Variants in RARB observed in about 807,000 individuals in gnomAD.
RARB encodes HBV-activated protein.
In RARB, 17 loss-of-function variants were observed where a neutral mutation model predicts 51.9. The observed-to-expected ratio is 0.33, with a 90% CI of 0.22 to 0.49. The LOEUF (loss-of-function observed/expected upper bound fraction) is 0.49. RARB is among the 20% of genes least tolerant of loss of function. RARB has a pLI of 0.99. For missense variants in RARB, 369 were observed against 550.8 expected (o/e 0.67, Z 3.30); for synonymous variants, 215 against 195.4 (o/e 1.10, Z -0.84).
intron 2 of RARB, among the ~76,000 whole-genome samples, chr3:24,918,101 T>A (rs780979786): frequency 2.0e-5 from 3 of 152,220 alleles, no homozygotes; most frequent in Non-Finnish European, 4.4e-5. Context: ...TCAATGTGAA[T>A]GTTCAGAATA....
At chr3:25,068,123 G>T (rs1201935386) in intron 3 of RARB, among the ~76,000 whole-genome samples, 3 of 96,322 alleles carry the variant, frequency 3.1e-5, no homozygotes, top group Admixed American at 1.7e-4. Context: ...GACAGAGAGA[G>T]ACTCCATCTC....
At chr3:25,161,017 T>C (rs879895601) in intron 4 of RARB, among the ~76,000 whole-genome samples, 1 of 151,966 alleles carries the variant, frequency 6.6e-6, no homozygotes, top group Non-Finnish European at 1.5e-5. Flanking sequence ...TTGTTGTTGT[T>C]GTTGTTGTTG....
Position 25,200,156 on chromosome 3 carries a change from T to C in RARB, c.178+25581T>C, listed in dbSNP as rs544148956. ...CTCCATTCTAACTGGTGTGAGATGG[T>C]ATCTCACTGCAGTTTTGATTTGCAT... On this transcript the variant is annotated intron_variant, in intron 5 of 11. Transcript: ENST00000383772. 6.5e-4 allele frequency among the ~76,000 whole-genome samples: 99 copies of C among 152,330 alleles called. 1 individual carries two copies. Among genetic ancestry groups the C allele is most frequent in the African/African-American group, 2.3e-3 (97 of 41,586 alleles).
intron 2 of RARB, among the ~76,000 whole-genome samples, chr3:24,980,409 A>C (rs76338178): frequency 6.6e-5 from 10 of 152,154 alleles, no homozygotes; most frequent in Non-Finnish European, 1.0e-4. Flanking sequence ...AGGTACACCA[A>C]TCAAATGTAG....
chr3:25,545,807 G>T (rs1180541081), intron 3 of RARB, among the ~76,000 whole-genome samples: 2 of 152,178 alleles, frequency 1.3e-5, no homozygotes, highest in African/African-American at 2.4e-5. Context: ...ACTCTTCCGG[G>T]TGCTGGTGAT....
At chr3:25,160,421 G>T (rs1700455321) in intron 4 of RARB, among the ~76,000 whole-genome samples, 1 of 152,120 alleles carries the variant, frequency 6.6e-6, no homozygotes, top group African/African-American at 2.4e-5. Flanking sequence ...ACATCATGTG[G>T]CTTTGTCCCT....
chr3:25,127,066 G>C (rs567095690), intron 3 of RARB, among the ~76,000 whole-genome samples: 1 of 151,954 alleles, frequency 6.6e-6, no homozygotes. Flanking sequence ...ATCATCTTTC[G>C]CCTGCATCAG....
intron 2 of RARB, among the ~76,000 whole-genome samples, chr3:25,023,561 A>G (rs902235098): frequency 1.3e-5 from 2 of 152,192 alleles, no homozygotes; most frequent in South Asian, 2.1e-4. Context: ...AAGGGAGTCT[A>G]TCCTTCCTGT....
At chr3:25,205,006 A>G (rs960030878) in intron 5 of RARB, among the ~76,000 whole-genome samples, 1 of 152,126 alleles carries the variant, frequency 6.6e-6, no homozygotes, top group Non-Finnish European at 1.5e-5. Context: ...TTGTTTGGGT[A>G]TGCCTTGCCC....
intron 3 of RARB, among the ~76,000 whole-genome samples, chr3:25,068,282 C>G (rs931351784): frequency 1.3e-5 from 2 of 150,202 alleles, no homozygotes; most frequent in African/African-American, 4.9e-5. Context: ...CTTCTCTCTT[C>G]CTCCTTCCCT....
intron 3 of RARB, among the ~76,000 whole-genome samples, chr3:25,543,826 C>T (rs143471615): frequency 6.6e-6 from 1 of 152,244 alleles, no homozygotes; most frequent in East Asian, 1.9e-4. Flanking sequence ...CCATGATCTT[C>T]AATGAAGAGC....
intron 3 of RARB, among the ~76,000 whole-genome samples, chr3:25,551,228 A>G (rs1382416977): frequency 6.6e-6 from 1 of 152,140 alleles, no homozygotes; most frequent in Non-Finnish European, 1.5e-5. Flanking sequence ...AGCAAGAGGG[A>G]ATGAGTAAGG....
chr3:25,538,376 G>A (rs565526021), intron 3 of RARB, among the ~76,000 whole-genome samples: 19 of 152,016 alleles, frequency 1.2e-4, no homozygotes, highest in Non-Finnish European at 2.4e-4. Flanking sequence ...TTTTTGCTAA[G>A]CATCATTTTG....
chr3:25,289,450 A>G (rs888103578), intron 5 of RARB, among the ~76,000 whole-genome samples: 2 of 152,150 alleles, frequency 1.3e-5, no homozygotes, highest in Non-Finnish European at 2.9e-5. Flanking sequence ...CTGTCCACAG[A>G]TGTCTTTATT....
chr3:24,859,053 A>AG (rs1276903609), intron 2 of RARB, among the ~76,000 whole-genome samples: 6 of 91,938 alleles, frequency 6.5e-5, no homozygotes, highest in East Asian at 1.4e-3. Context: ...AAAAAAAAAA[A>AG]AAAAGAAAAA....
chr3:24,916,001 C>T (rs1695099134), intron 2 of RARB, among the ~76,000 whole-genome samples: 1 of 152,122 alleles, frequency 6.6e-6, no homozygotes, highest in South Asian at 2.1e-4. Flanking sequence ...TGAGACAGCA[C>T]TTCAGAAGTA....
chr3:24,852,440 A>G (rs1473080833), intron 1 of RARB, among the ~76,000 whole-genome samples: 1 of 152,216 alleles, frequency 6.6e-6, no homozygotes, highest in Non-Finnish European at 1.5e-5. Context: ...GCCACTTTGG[A>G]AAACAGTTTG....
rs528899243 is a variant in RARB at position 25,229,348 on chromosome 3, A to G, written c.178+54773A>G. ...CTTTTACCATATGAATTTCTTTCTG[A>G]AGGTATTCAAAAAAACAAATATTTC... is the stretch of plus-strand genomic sequence containing the variant. On this transcript the variant is annotated intron_variant, in intron 5 of 11. Coordinates refer to the RARB transcript ENST00000383772. 1.6e-4 allele frequency among the ~76,000 whole-genome samples: 25 copies of G among 152,240 alleles called. No individual in the cohort carries two copies. In the South Asian group the frequency reaches 2.1e-3, roughly 13 times the overall value.
chr3:25,052,749 A>G lies in RARB; in HGVS notation c.-379-7376A>G, dbSNP rs192500529. On this transcript the variant is annotated intron_variant, in intron 2 of 11. Transcript: ENST00000383772. ...AATCATATTCTCTTATCTTTATCCT[A>G]AAGCATTCTTCCCTTACACCAGAGG... Among the ~76,000 whole-genome samples the G allele has an allele frequency of 4.0e-3, 614 of 152,290 alleles. 7 individuals carry two copies. The highest frequency in any genetic ancestry group is 7.2e-3 in the Non-Finnish European group (489 of 68,022).
Sources: allele counts gnomAD v4.1 joint callset (sites outside exome capture counted in the v4.1 genomes callset), GRCh38; gene constraint gnomAD v4.1.1; transcripts MANE v1.5; gene names NCBI Gene and HGNC (gene_info 2026-07-23, HGNC 2026-07-21).